CEP43: variants seen among roughly 807,000 people sequenced by gnomAD.
The protein encoded by CEP43 is FGFR1 oncogene partner.
In CEP43, 36 loss-of-function variants were observed where a neutral mutation model predicts 52.6. The observed-to-expected ratio is 0.68, with a 90% confidence interval of 0.52 to 0.90. The LOEUF (loss-of-function observed/expected upper bound fraction) is 0.90, where lower values mean the gene tolerates loss of function less well. Ranked by LOEUF, CEP43 falls within the 40% of genes least tolerant of loss-of-function variation. The pLI is 0.00. For missense variants in CEP43, 506 were observed against 472.8 expected, an observed-to-expected ratio of 1.07 and a Z score of -0.65; for synonymous variants, 192 against 172.4, an observed-to-expected ratio of 1.11 and a Z score of -0.89.
Position 166,999,486 on chromosome 6 carries a change from A to C in CEP43, c.74A>C (p.Glu25Ala). The C allele has an allele frequency of 6.7e-7, 1 of 1,483,780 alleles. No individual in the cohort carries two copies. The highest frequency in any genetic ancestry group is 3.0e-5 in the East Asian group (1 of 33,766). The allele number at this position is 1,483,780 out of a possible 1,614,324, so 91.9% of individuals were successfully genotyped here. A position where few individuals can be genotyped will look rare whatever the true frequency, so the allele number is the denominator to read the frequency against. ...CGGGACCTGCTGGTGCAGACGCTGG[A>C]GAACAGCGGGGTCCTGAACCGCATC... ...ELRDLLVQTLENSGVLNRIKA... is the reference protein window; with the variant it reads ...ELRDLLVQTLANSGVLNRIKA... Residue 25 changes from glutamate (E) to alanine (A), a missense_variant, in exon 1 of 13, where the codon GAG becomes GCG. Physicochemically the swap from Glu to Ala is moderately radical, Grantham distance 107 (BLOSUM62 -1). Coordinates refer to ENST00000366847, the MANE Select transcript of CEP43 (RefSeq NM_007045.4).
chr6:167,019,306 C>G (rs1286097193), intron 7 of CEP43, among the ~76,000 whole-genome samples: 2 of 152,152 alleles, frequency 1.3e-5, no homozygotes, highest in Non-Finnish European at 2.9e-5. Context: ...CACGCGTACA[C>G]CTGCTGTGCA....
chr6:167,016,951 A>T (rs1025407336), intron 7 of CEP43, among the ~76,000 whole-genome samples: 2 of 151,800 alleles, frequency 1.3e-5, no homozygotes, highest in Non-Finnish European at 2.9e-5. Context: ...AAAAATGGTT[A>T]TAAAAAATAA....
chr6:167,051,278 A>G lies in CEP43; in HGVS notation c.*11300A>G, dbSNP rs1353882557. On this transcript the variant is annotated 3_prime_UTR_variant, in exon 13 of 13. Coordinates refer to ENST00000366847, the MANE Select transcript of CEP43 (RefSeq NM_007045.4). The stretch of plus-strand genomic sequence containing the variant: ...GTGGTAATCTTTACACCTATATCTT[A>G]GTAGAATTCAGGCCCCTCACTTCCT... The G allele has an allele frequency of 6.6e-6, 1 of 152,240 alleles. No individual in the cohort carries two copies. The highest frequency in any genetic ancestry group is 1.5e-5 in the Non-Finnish European group (1 of 68,052). The allele number at this position is 152,240 out of a possible 1,614,324, so 9.4% of individuals were successfully genotyped here. A position where few individuals can be genotyped will look rare whatever the true frequency, so the allele number is the denominator to read the frequency against.
intron 10 of CEP43, among the ~76,000 whole-genome samples, chr6:167,030,085 C>G (rs1780434801): frequency 6.6e-6 from 1 of 152,204 alleles, no homozygotes; most frequent in East Asian, 1.9e-4. Flanking sequence ...TTGCTTCAGG[C>G]CATCTGGATG....
rs551314094 is a variant in CEP43 at position 167,040,308 on chromosome 6, G to T, written c.*330G>T. 4.3e-5 allele frequency: 62 copies of T among 1,444,628 alleles called. 1 individual carries two copies. The South Asian group carries it at 8.9e-4, about 21-fold the overall frequency. 89.5% of individuals were successfully genotyped at this position (1,444,628 alleles called of 1,614,324 possible). On this transcript the variant is annotated 3_prime_UTR_variant, in exon 13 of 13. Coordinates refer to ENST00000366847, the MANE Select transcript of CEP43 (RefSeq NM_007045.4). ...ATGAAAGGTGTCAATAAAGCCGTAG[G>T]ATCGCGCAACCCTTTGTGTGTGTGG...
intron 5 of CEP43, among the ~76,000 whole-genome samples, chr6:167,005,610 A>G (rs984221540): frequency 2.0e-5 from 3 of 152,186 alleles, no homozygotes; most frequent in Non-Finnish European, 4.4e-5. Context: ...GAGGCGGCTC[A>G]CCCAGAGCGC....
chr6:167,033,993 A>G (rs764970461), intron 12 of CEP43, 22 bp downstream of exon 12: 9 of 1,189,582 alleles, frequency 7.6e-6, no homozygotes, highest in African/African-American at 1.6e-5. Context: ...TGCATTTCCC[A>G]TAGAGTGCTT....
chr6:167,005,443 T>C lies in CEP43; in HGVS notation c.438+1042T>C, dbSNP rs117910800. Among the ~76,000 whole-genome samples, 629 of 152,336 alleles carry C rather than the reference T, an allele frequency of 4.1e-3. 13 individuals are homozygous for C. The East Asian group carries it at 0.045, about 11-fold the overall frequency. The stretch of plus-strand genomic sequence containing the variant: ...ATGAATAGTTTAGAGGAGGAAGCGA[T>C]TGTCACATGCCAAAATTTTATTGAA... On this transcript the variant is annotated intron_variant, in intron 5 of 12. Transcript: ENST00000366847.
chr6:167,041,971 A>G lies in CEP43; in HGVS notation c.*1993A>G, dbSNP rs939414621. 12 of 393,338 alleles carry G rather than the reference A, an allele frequency of 3.1e-5. No homozygotes were observed. The highest frequency in any genetic ancestry group is 2.2e-4 in the East Asian group (2 of 9,236). 24.4% of individuals were successfully genotyped at this position (393,338 alleles called of 1,614,324 possible). On this transcript the variant is annotated 3_prime_UTR_variant, in exon 13 of 13. Transcript: ENST00000366847. ...CCTGAGTAGCTGGGATTACAGGTGCACACCACCACGCCCGGCTAATTTTTG... is the reference window on the plus strand; with the variant it reads ...CCTGAGTAGCTGGGATTACAGGTGCGCACCACCACGCCCGGCTAATTTTTG...
rs1780850362 is a variant in CEP43, at chr6:167,050,146, C to CT, written c.*10169dup. 1 of 152,226 alleles carries CT rather than the reference C, an allele frequency of 6.6e-6. No individual in the cohort carries two copies. Among genetic ancestry groups the CT allele is most frequent in the South Asian group, 2.1e-4 (1 of 4,836 alleles). 9.4% of individuals were successfully genotyped at this position (152,226 alleles called of 1,614,324 possible). A position where few individuals can be genotyped will look rare whatever the true frequency, so the allele number is the denominator to read the frequency against. ...GATCATGAGGGTGGTTTTCCCTACT[C>CT]TGTTTTCATGATAGTGAGTCTCACA... On this transcript the variant is annotated 3_prime_UTR_variant, in exon 13 of 13. Coordinates refer to ENST00000366847, the MANE Select transcript of CEP43 (RefSeq NM_007045.4).
At chr6:167,030,430 T>C (rs75701002) in intron 10 of CEP43, among the ~76,000 whole-genome samples, 4,476 of 152,316 alleles carry the variant, frequency 0.029, 82 homozygotes, top group Middle Eastern at 0.078. Flanking sequence ...TGACAGTGCC[T>C]GGTTTCTGGC....
rs1780779555 is a variant in CEP43, at chr6:167,045,427, A to G, written c.*5449A>G. On this transcript the variant is annotated 3_prime_UTR_variant, in exon 13 of 13. Coordinates refer to ENST00000366847, the MANE Select transcript of CEP43 (RefSeq NM_007045.4). ...CATGAGCCACTGTACCCAGCCCTGT[A>G]TTTTCTTTAAAAACCAATTTTGGGC... 1 of 147,184 alleles carries G rather than the reference A, an allele frequency of 6.8e-6. No homozygotes were observed. The highest frequency in any genetic ancestry group is 1.5e-5 in the Non-Finnish European group (1 of 66,902). 9.1% of individuals were successfully genotyped at this position (147,184 alleles called of 1,614,324 possible). A position where few individuals can be genotyped will look rare whatever the true frequency, so the allele number is the denominator to read the frequency against.
intron 12 of CEP43, among the ~76,000 whole-genome samples, chr6:167,035,751 T>A (rs908308803): frequency 6.6e-6 from 1 of 151,890 alleles, no homozygotes; most frequent in African/African-American, 2.4e-5. Context: ...TATTTTTTTA[T>A]AGAGACAGGA....
intron 12 of CEP43, among the ~76,000 whole-genome samples, chr6:167,039,329 A>G (rs1316979760): frequency 6.6e-6 from 1 of 152,138 alleles, no homozygotes; most frequent in East Asian, 1.9e-4. Flanking sequence ...GGGTTTCACC[A>G]TGTTGGCCAG....
chr6:167,039,876 A>G (rs1187952499), intron 12 of CEP43, 28 bp from the exon 13 acceptor site: 1 of 1,611,242 alleles, frequency 6.2e-7, no homozygotes, highest in East Asian at 2.2e-5. Context: ...CTGACACTTA[A>G]TTATTTTCTT....
At chr6:167,027,909 C>G in intron 10 of CEP43, 7 of 985,772 alleles carry the variant, frequency 7.1e-6, no homozygotes, top group Non-Finnish European at 8.4e-6. Context: ...TTGTTCCGCA[C>G]AGTGCCCTGG....
At chr6:167,000,555 C>G (rs577561639) in intron 2 of CEP43, among the ~76,000 whole-genome samples, 1 of 152,320 alleles carries the variant, frequency 6.6e-6, no homozygotes, top group South Asian at 2.1e-4. Flanking sequence ...AGCCACTACT[C>G]TATATTTAAG....
At chr6:167,033,492 T>C (rs1780519186) in intron 11 of CEP43, among the ~76,000 whole-genome samples, 1 of 152,220 alleles carries the variant, frequency 6.6e-6, no homozygotes, top group African/African-American at 2.4e-5. Flanking sequence ...TTAAATTAGA[T>C]GCCTGAGAAT....
intron 12 of CEP43, among the ~76,000 whole-genome samples, chr6:167,037,400 C>T (rs1377333222): frequency 6.6e-6 from 1 of 152,172 alleles, no homozygotes; most frequent in Admixed American, 6.5e-5. Flanking sequence ...TTACTGATTT[C>T]ACTCTGTAAT....
Sources: gnomAD v4.1 joint callset for allele counts (sites outside exome capture counted in the v4.1 genomes callset) on GRCh38, gnomAD v4.1.1 for gene constraint, MANE v1.5 for transcripts, NCBI Gene and HGNC (gene_info 2026-07-23, HGNC 2026-07-21) for gene names.